The following SDHA variants were observed in gnomAD, a reference collection of about 807,000 sequenced individuals.
SDHA encodes succinate dehydrogenase complex flavoprotein subunit A.
In SDHA, 48 loss-of-function variants were observed where a neutral mutation model predicts 78.4. That is an observed-to-expected ratio of 0.61 (90% CI 0.49 to 0.78). SDHA has a LOEUF of 0.78. Ranked by LOEUF, SDHA falls within the 30% of genes least tolerant of loss-of-function variation. The pLI is 0.00. For synonymous variants in SDHA, 326 were observed against 353.9 expected, an observed-to-expected ratio of 0.92 and a Z score of 0.88; for missense variants, 680 against 892.7, an observed-to-expected ratio of 0.76 and a Z score of 3.04.
chr5:233,844 C>G, intron 8 of SDHA, 199 bp downstream of exon 8: 4 of 563,424 alleles, frequency 7.1e-6, no homozygotes. Flanking sequence ...CAGTTTCTTT[C>G]TCAAATCTGT....
intron 11 of SDHA, chr5:249,206 G>T (rs1265130705): frequency 5.9e-6 from 2 of 341,378 alleles, no homozygotes; most frequent in Non-Finnish European, 1.1e-5. Flanking sequence ...TGAAGATTGT[G>T]CTTTTAATCT....
At position 233,590 on chromosome 5, in the gene SDHA, C is replaced by G. The variant is rs1735560308; in HGVS notation, c.1009C>G (p.Leu337Val). 6.2e-7 allele frequency: 1 copy of G among 1,614,200 alleles called. No individual in the cohort carries two copies. Among genetic ancestry groups the G allele is most frequent in the Non-Finnish European group, 8.5e-7 (1 of 1,180,034 alleles). Residue 337 changes from leucine to valine, a missense_variant, in exon 8 of 15, where the codon CTG becomes GTG. Coordinates refer to ENST00000264932, the MANE Select transcript of SDHA (RefSeq NM_004168.4). ...GCGATACGCCCCTGTCGCGAAGGAC[C>G]TGGCGTCTAGAGATGTGGTGTCTCG... is the stretch of plus-strand genomic sequence containing the variant. ...MERYAPVAKD[L>V]ASRDVVSRSM...
At chr5:240,500 A>G (rs1349254918) in intron 11 of SDHA, 24 bp downstream of exon 11, 3 of 1,450,118 alleles carry the variant, frequency 2.1e-6, no homozygotes, top group Non-Finnish European at 2.9e-6. Context: ...CTCGCTCTGG[A>G]GTGAGCAGGA....
the SDHA span, among the ~76,000 whole-genome samples, chr5:265,546 C>A: frequency 6.6e-6 from 1 of 152,202 alleles, no homozygotes; most frequent in African/African-American, 2.4e-5. Flanking sequence ...ATCAGGGAAA[C>A]CTTGCTGATT....
intron 1 of SDHA, among the ~76,000 whole-genome samples, chr5:220,816 T>TTTTTTTC (rs1312269006): frequency 6.8e-5 from 6 of 87,914 alleles, no homozygotes; most frequent in African/African-American, 6.6e-4. Flanking sequence ...GTGAACTGAA[T>TTTTTTTC]TTTTTTTTTT....
chr5:226,072 G>A, intron 5 of SDHA, 25 bp downstream of exon 5: 1 of 1,613,634 alleles, frequency 6.2e-7, no homozygotes, highest in Non-Finnish European at 8.5e-7. Context: ...GTCCACCTGA[G>A]ACAGGACACG....
chr5:249,026 G>C (rs376248256), intron 11 of SDHA: 1 of 400,464 alleles, frequency 2.5e-6, no homozygotes, highest in Non-Finnish European at 4.8e-6. Flanking sequence ...GAAGGACACC[G>C]TACAAACTTG....
intron 8 of SDHA, chr5:234,430 A>AC (rs1176982352): frequency 1.6e-4 from 24 of 145,908 alleles, no homozygotes; most frequent in African/African-American, 6.1e-4. Context: ...AAAAAAAAAA[A>AC]AAAAAAAAAA....
At chr5:230,282 A>T (rs541189048) in intron 6 of SDHA, among the ~76,000 whole-genome samples, 2 of 152,218 alleles carry the variant, frequency 1.3e-5, no homozygotes, top group African/African-American at 4.8e-5. Context: ...TTTTCATTAT[A>T]AAAGTAGTAT....
chr5:235,026 G>A lies in SDHA; in HGVS notation c.1065-118G>A, dbSNP rs190538034. The stretch of plus-strand genomic sequence containing the variant: ...TGATGAGAGGGTGACCATACATGAG[G>A]GGAAATTTTCCTCAGTATCAAAACA... On this transcript the variant is annotated intron_variant, in intron 8 of 14. Transcript: ENST00000264932. The A allele has an allele frequency of 1.3e-4, 127 of 1,006,034 alleles. No individual in the cohort carries two copies. The African/African-American group carries it at 1.9e-3, about 15-fold the overall frequency. The allele number at this position is 1,006,034 out of a possible 1,614,324, so 62.3% of individuals were successfully genotyped here.
At chr5:222,350 C>CT (rs750198454) in intron 1 of SDHA, among the ~76,000 whole-genome samples, 14,225 of 135,288 alleles carry the variant, frequency 0.11, 2,605 homozygotes, top group African/African-American at 0.37. Context: ...TTTTTCTTTT[C>CT]TTTTTTTTTT....
rs1445959029 is a variant in SDHA at position 225,365 on chromosome 5, A to G, written c.313-54A>G. The G allele has an allele frequency of 7.4e-5, 120 of 1,611,538 alleles. 1 individual carries two copies. The highest frequency in any genetic ancestry group is 4.7e-4 in the South Asian group (43 of 90,984). On this transcript the variant is annotated intron_variant, in intron 3 of 14. Coordinates refer to ENST00000264932, the MANE Select transcript of SDHA (RefSeq NM_004168.4). The stretch of plus-strand genomic sequence containing the variant: ...CCCAGCGGGTGGATTTGGGCCTGGA[A>G]GACAAAGTTGGCGCTCCTGTTTGTG...
rs1413002555 is a variant in SDHA at position 256,829 on chromosome 5, T to C, written c.*409T>C. On this transcript the variant is annotated 3_prime_UTR_variant, in exon 15 of 15. Transcript: ENST00000264932. ...TAGTTTCTTTTTTCTTTTTCTTTTC[T>C]TTTTTTTTTTTGAGACAGGATCGGT... 20 of 234,922 alleles carry C rather than the reference T, an allele frequency of 8.5e-5. No individual in the cohort carries two copies. The highest frequency in any genetic ancestry group is 2.2e-4 in the Admixed American group (4 of 18,272). The allele number at this position is 234,922 out of a possible 1,614,324, so 14.6% of individuals were successfully genotyped here.
At position 228,258 on chromosome 5, in the gene SDHA, G is replaced by A. The variant is rs1060503708; in HGVS notation, c.695G>A (p.Arg232His). 13 of 1,613,436 alleles carry A rather than the reference G, an allele frequency of 8.1e-6. No homozygotes were observed. Among genetic ancestry groups the A allele is most frequent in the East Asian group, 2.2e-5 (1 of 44,880 alleles). ...CTCCTGATGGAGAATGGGGAGTGCC[G>A]TGGTGTCATCGCACTGTGCATAGAG... ...LDLLMENGECRGVIALCIEDG... is the reference protein window; with the variant it reads ...LDLLMENGECHGVIALCIEDG... The change falls in exon 6 of 15, where the codon CGT (arginine) becomes CAT (histidine). Residue 232 changes from arginine to histidine, a missense_variant. Physicochemically the swap from Arg to His is conservative, Grantham distance 29. Transcript: ENST00000264932.
intron 8 of SDHA, chr5:234,846 G>A (rs1735664560): frequency 2.2e-6 from 1 of 454,292 alleles, no homozygotes; most frequent in Non-Finnish European, 4.1e-6. Context: ...TTGGCATAGA[G>A]GCCTTTCTAA....
chr5:248,025 A>G (rs1579431933), intron 11 of SDHA, among the ~76,000 whole-genome samples: 2 of 152,258 alleles, frequency 1.3e-5, no homozygotes, highest in African/African-American at 2.4e-5. Flanking sequence ...CCTAAAGGCC[A>G]GATCTTATCA....
At chr5:218,773 C>G (rs535357536) in intron 1 of SDHA, among the ~76,000 whole-genome samples, 1 of 152,208 alleles carries the variant, frequency 6.6e-6, no homozygotes, top group Non-Finnish European at 1.5e-5. Context: ...GGGGAGGAGT[C>G]GTGTCTGCCC....
rs377509915 is a variant in SDHA at position 233,536 on chromosome 5, A to C, written c.955A>C (p.Ile319Leu). The change falls in exon 8 of 15, where the codon ATT becomes CTT. Residue 319 changes from isoleucine to leucine, a missense_variant. Coordinates refer to ENST00000264932, the MANE Select transcript of SDHA (RefSeq NM_004168.4). ...EGCRGEGGIL[I>L]NSQGERFMER... ...ATGTCGTGGAGAGGGAGGCATTCTCATTAACAGTCAAGGCGAAAGGTTTAT... is the reference window on the plus strand; with the variant it reads ...ATGTCGTGGAGAGGGAGGCATTCTCCTTAACAGTCAAGGCGAAAGGTTTAT... 1.7e-4 allele frequency: 272 copies of C among 1,614,078 alleles called. No homozygotes were observed. Among genetic ancestry groups the C allele is most frequent in the Non-Finnish European group, 2.2e-4 (260 of 1,180,010 alleles).
chr5:234,615 T>A (rs1735648943), intron 8 of SDHA: 1 of 173,670 alleles, frequency 5.8e-6, no homozygotes, highest in Non-Finnish European at 1.3e-5. Context: ...GCTATTTACG[T>A]AGCATTTACA....
Sources: gnomAD v4.1 joint callset for allele counts (sites outside exome capture counted in the v4.1 genomes callset) on GRCh38, gnomAD v4.1.1 for gene constraint, MANE v1.5 for transcripts, NCBI Gene and HGNC (gene_info 2026-07-23, HGNC 2026-07-21) for gene names.